The following TMTC2 variants were observed in gnomAD, a reference collection of about 807,000 sequenced individuals.
TMTC2 encodes protein O-mannosyl-transferase TMTC2.
TMTC2 carries 43 observed loss-of-function variants against 82.4 expected under a neutral mutation model. The ratio of observed to expected loss-of-function variants is 0.52; its 90% CI spans 0.41 to 0.67. The LOEUF (loss-of-function observed/expected upper bound fraction) is 0.67, where lower values mean the gene tolerates loss of function less well. TMTC2 is among the 30% of genes least tolerant of loss of function. The pLI is 0.00. For missense variants in TMTC2, 919 were observed against 1,012.4 expected (o/e 0.91, Z 1.25); for synonymous variants, 408 against 381.9 (o/e 1.07, Z -0.80).
intron 1 of TMTC2, among the ~76,000 whole-genome samples, chr12:82,811,481 A>G (rs1453521268): frequency 1.3e-5 from 2 of 152,174 alleles, no homozygotes; most frequent in East Asian, 3.9e-4. Context: ...TTAAGCCAAT[A>G]TTATGTATAA....
At chr12:82,727,479 G>A (rs1171404773) in intron 1 of TMTC2, among the ~76,000 whole-genome samples, 1 of 151,968 alleles carries the variant, frequency 6.6e-6, no homozygotes, top group Non-Finnish European at 1.5e-5. Context: ...TGGGCGTGGT[G>A]GCTCACGGTG....
chr12:83,014,784 T>C (rs1392797785), intron 8 of TMTC2, among the ~76,000 whole-genome samples: 1 of 152,210 alleles, frequency 6.6e-6, no homozygotes, highest in Non-Finnish European at 1.5e-5. Flanking sequence ...CTTAAATATA[T>C]GTTACCTTAT....
chr12:82,836,620 A>G (rs1198907341), intron 1 of TMTC2, among the ~76,000 whole-genome samples: 1 of 152,144 alleles, frequency 6.6e-6, no homozygotes, highest in Admixed American at 6.5e-5. Flanking sequence ...TAGACCACTG[A>G]AACCCATTTT....
chr12:82,894,113 T>G (rs2137176486), intron 2 of TMTC2, among the ~76,000 whole-genome samples: 1 of 152,354 alleles, frequency 6.6e-6, no homozygotes, highest in East Asian at 1.9e-4. Flanking sequence ...GGAACTGTTT[T>G]ATTTCCGTTG....
At chr12:82,825,264 G>A (rs1369763083) in intron 1 of TMTC2, among the ~76,000 whole-genome samples, 1 of 151,994 alleles carries the variant, frequency 6.6e-6, no homozygotes, top group African/African-American at 2.4e-5. Flanking sequence ...TTGAACTATG[G>A]GTACCACTGG....
rs117426464 is a variant in TMTC2 at position 83,091,710 on chromosome 12, T to A, written c.2331+29879T>A. Among the ~76,000 whole-genome samples the A allele has an allele frequency of 7.0e-4, 107 of 152,352 alleles. 2 individuals carry two copies. The East Asian group carries it at 0.018, about 26-fold the overall frequency. On this transcript the variant is annotated intron_variant, in intron 11 of 11. Transcript: ENST00000321196. ...CTTGATTTTCATATCTTTTGCACAT[T>A]TTTTAGTGAGTTTTGTTACTGTATT...
intron 1 of TMTC2, among the ~76,000 whole-genome samples, chr12:82,793,251 AAAT>A (rs1878552931): frequency 6.6e-6 from 1 of 152,140 alleles, no homozygotes; most frequent in African/African-American, 2.4e-5. Context: ...TAAGATCTCA[AAAT>A]AATATTTAAC....
At chr12:83,051,655 G>A (rs941172834) in intron 10 of TMTC2, among the ~76,000 whole-genome samples, 1 of 152,068 alleles carries the variant, frequency 6.6e-6, no homozygotes, top group Non-Finnish European at 1.5e-5. Flanking sequence ...ACATTTTAAT[G>A]TTTAATAGTG....
At chr12:82,806,007 T>C (rs1391958433) in intron 1 of TMTC2, among the ~76,000 whole-genome samples, 2 of 152,098 alleles carry the variant, frequency 1.3e-5, no homozygotes, top group Non-Finnish European at 2.9e-5. Context: ...TTGAGGCATA[T>C]GCAGTTTAGT....
At chr12:83,022,194 C>T (rs1411530885) in intron 8 of TMTC2, among the ~76,000 whole-genome samples, 2 of 152,060 alleles carry the variant, frequency 1.3e-5, no homozygotes, top group Admixed American at 1.3e-4. Flanking sequence ...CTGTCATACT[C>T]CTGACTCACA....
intron 1 of TMTC2, 60 bp from the exon 2 acceptor site, chr12:82,856,950 C>A: frequency 6.8e-7 from 1 of 1,475,488 alleles, no homozygotes; most frequent in Non-Finnish European, 9.2e-7. Context: ...TTATCAATGT[C>A]ATATTTTTTC....
chr12:83,016,561 C>A (rs767326967), intron 8 of TMTC2, among the ~76,000 whole-genome samples: 1 of 152,124 alleles, frequency 6.6e-6, no homozygotes, highest in Non-Finnish European at 1.5e-5. Flanking sequence ...TAGGAATTAC[C>A]CCAGTTTATC....
At chr12:82,913,143 T>C (rs754351299) in intron 3 of TMTC2, among the ~76,000 whole-genome samples, 3 of 152,216 alleles carry the variant, frequency 2.0e-5, no homozygotes, top group African/African-American at 4.8e-5. Context: ...TGAAATGCTA[T>C]TATTTGGAAG....
At chr12:82,974,307 G>A (rs1033521042) in intron 7 of TMTC2, among the ~76,000 whole-genome samples, 1 of 152,100 alleles carries the variant, frequency 6.6e-6, no homozygotes. Context: ...CAATACATGT[G>A]GAGTAAAACT....
rs1337110370 is a variant in TMTC2 at position 83,085,861 on chromosome 12, G to T, written c.2331+24030G>T. Reference sequence around the variant, plus strand: ...TCCTACCACAGTAAAGGCAATAGTGGTATAGTTCTATTATTTACTGCTGAT... The same window carrying T: ...TCCTACCACAGTAAAGGCAATAGTGTTATAGTTCTATTATTTACTGCTGAT... On this transcript the variant is annotated intron_variant, in intron 11 of 11. Transcript: ENST00000321196. Among the ~76,000 whole-genome samples the T allele has an allele frequency of 3.3e-5, 5 of 152,134 alleles. No individual in the cohort carries two copies. In the South Asian group the frequency reaches 6.2e-4, roughly 19 times the overall value.
chr12:82,930,025 A>T (rs182801269), intron 3 of TMTC2, among the ~76,000 whole-genome samples: 22 of 152,120 alleles, frequency 1.4e-4, no homozygotes, highest in African/African-American at 4.3e-4. Context: ...GCCATTTATC[A>T]GTTTTTTCAT....
At chr12:82,746,075 G>T (rs1875676988) in intron 1 of TMTC2, among the ~76,000 whole-genome samples, 1 of 152,170 alleles carries the variant, frequency 6.6e-6, no homozygotes, top group Non-Finnish European at 1.5e-5. Context: ...AAGCATTATG[G>T]AATACATTTA....
intron 8 of TMTC2, among the ~76,000 whole-genome samples, chr12:83,000,233 C>T (rs1315825425): frequency 2.0e-5 from 3 of 152,118 alleles, no homozygotes; most frequent in African/African-American, 7.2e-5. Flanking sequence ...CTCCCTAGTT[C>T]AAGCAATTCT....
At position 83,057,807 on chromosome 12, in the gene TMTC2, A is replaced by G. The variant is rs1882600724; in HGVS notation, c.2268-3961A>G. On this transcript the variant is annotated intron_variant, in intron 10 of 11. Transcript: ENST00000321196. ...TTTTGTATGTATCCGTGGTTTTTAT[A>G]TTAATTTTTAATTCAAATTGACAAT... Among the ~76,000 whole-genome samples the G allele has an allele frequency of 2.0e-5, 3 of 151,932 alleles. No individual in the cohort carries two copies. The South Asian group carries it at 6.2e-4, about 31-fold the overall frequency.
Sources: gnomAD v4.1 joint callset for allele counts (sites outside exome capture counted in the v4.1 genomes callset) on GRCh38, gnomAD v4.1.1 for gene constraint, MANE v1.5 for transcripts, NCBI Gene and HGNC (gene_info 2026-07-23, HGNC 2026-07-21) for gene names.